Variants in TMEM117 observed in about 807,000 individuals in gnomAD.
The protein encoded by TMEM117 is transmembrane protein 117.
Under a neutral mutation model 52.4 loss-of-function variants are expected in TMEM117, and 27 were observed. The ratio of observed to expected loss-of-function variants is 0.51; its 90% CI spans 0.38 to 0.71. The LOEUF is 0.71. Among genes scored for constraint, TMEM117 ranks in the 30% least tolerant of loss-of-function variants. The pLI, the probability that TMEM117 is intolerant of heterozygous loss-of-function variation, is 0.00. For synonymous variants in TMEM117, 215 were observed against 206.3 expected (o/e 1.04, Z -0.36); for missense variants, 556 against 630.5 (o/e 0.88, Z 1.26).
intron 2 of TMEM117, among the ~76,000 whole-genome samples, chr12:43,890,188 A>G (rs1201201681): frequency 6.6e-6 from 1 of 152,230 alleles, no homozygotes; most frequent in Non-Finnish European, 1.5e-5. Context: ...ATGTAGGAAT[A>G]TAGATTTATT....
intron 5 of TMEM117, among the ~76,000 whole-genome samples, chr12:44,243,663 A>G (rs1262057602): frequency 2.6e-5 from 4 of 151,914 alleles, no homozygotes; most frequent in Non-Finnish European, 5.9e-5. Context: ...AAATTCTGAA[A>G]TATAAAATAC....
At chr12:44,192,761 T>G (rs1220988748) in intron 4 of TMEM117, among the ~76,000 whole-genome samples, 1 of 152,238 alleles carries the variant, frequency 6.6e-6, no homozygotes, top group Non-Finnish European at 1.5e-5. Context: ...GTATTTAATC[T>G]GCATCCTGGC....
chr12:44,153,968 CCTAAAA>C (rs1948790683), intron 4 of TMEM117, among the ~76,000 whole-genome samples: 1 of 151,898 alleles, frequency 6.6e-6, no homozygotes, highest in African/African-American at 2.4e-5. Flanking sequence ...TAAGAGTTTT[CCTAAAA>C]CTAAGTTTGG....
intron 2 of TMEM117, among the ~76,000 whole-genome samples, chr12:43,906,409 G>A (rs1220598063): frequency 6.6e-6 from 1 of 151,418 alleles, no homozygotes; most frequent in Non-Finnish European, 1.5e-5. Flanking sequence ...GTTGCAGTGA[G>A]CTGAGATTGC....
intron 7 of TMEM117, among the ~76,000 whole-genome samples, chr12:44,382,349 T>C (rs1021890012): frequency 6.6e-6 from 1 of 152,232 alleles, no homozygotes; most frequent in Admixed American, 6.5e-5. Context: ...ATTTTGCTTT[T>C]CACAGTTTTT....
intron 7 of TMEM117, among the ~76,000 whole-genome samples, chr12:44,379,187 A>AAAGGAAGG (rs796991000): frequency 2.0e-5 from 3 of 150,612 alleles, no homozygotes; most frequent in Non-Finnish European, 3.0e-5. Context: ...AGGAAGGAAG[A>AAAGGAAGG]AAGGAAGGAA....
chr12:43,971,020 C>T (rs535166003), intron 3 of TMEM117, among the ~76,000 whole-genome samples: 2 of 152,262 alleles, frequency 1.3e-5, no homozygotes, highest in South Asian at 4.1e-4. Context: ...CCTTGCCACC[C>T]TCTCTGTTCC....
At chr12:44,318,116 G>A (rs74865405) in intron 6 of TMEM117, among the ~76,000 whole-genome samples, 4,354 of 152,254 alleles carry the variant, frequency 0.029, 103 homozygotes, top group African/African-American at 0.055. Flanking sequence ...ATAGGGGGCC[G>A]TACTGCACCA....
chr12:44,097,968 T>C (rs1351657530), intron 3 of TMEM117, among the ~76,000 whole-genome samples: 1 of 152,018 alleles, frequency 6.6e-6, no homozygotes, highest in East Asian at 1.9e-4. Flanking sequence ...AATTTTGAAA[T>C]AGGAATATAG....
At position 44,279,695 on chromosome 12, in the gene TMEM117, G is replaced by A. The variant is rs565250694; in HGVS notation, c.609-19885G>A. Among the ~76,000 whole-genome samples the A allele has an allele frequency of 1.6e-3, 240 of 152,074 alleles. 2 individuals are homozygous for A. Among genetic ancestry groups the A allele is most frequent in the Non-Finnish European group, 4.0e-4 (27 of 67,980 alleles). ...CGCCCGCCTAATTTTTTGTATTTTA[G>A]TAGAAACGGGGTTTCACTGTGTTGC... On this transcript the variant is annotated intron_variant, in intron 5 of 7. Coordinates refer to ENST00000266534, the MANE Select transcript of TMEM117 (RefSeq NM_032256.3).
intron 3 of TMEM117, among the ~76,000 whole-genome samples, chr12:44,103,099 A>C (rs1170124032): frequency 6.6e-6 from 1 of 152,040 alleles, no homozygotes; most frequent in East Asian, 1.9e-4. Flanking sequence ...CAGTGTGAGA[A>C]TAGACTAATA....
At chr12:43,930,916 T>C (rs1313705860) in intron 2 of TMEM117, among the ~76,000 whole-genome samples, 1 of 152,120 alleles carries the variant, frequency 6.6e-6, no homozygotes, top group Admixed American at 6.5e-5. Context: ...ATGGAAGAGA[T>C]AGAGCTGGGT....
At chr12:44,095,042 A>T (rs999687322) in intron 3 of TMEM117, among the ~76,000 whole-genome samples, 3 of 152,200 alleles carry the variant, frequency 2.0e-5, no homozygotes, top group African/African-American at 7.2e-5. Context: ...CAGGGGTGGG[A>T]TCAGGGCAAA....
intron 3 of TMEM117, among the ~76,000 whole-genome samples, chr12:44,092,876 G>A (rs1442710028): frequency 1.3e-5 from 2 of 152,140 alleles, no homozygotes; most frequent in African/African-American, 2.4e-5. Flanking sequence ...TGTGAATACA[G>A]TTTTCTTAAA....
chr12:43,918,684 G>A (rs1456091508), intron 2 of TMEM117, among the ~76,000 whole-genome samples: 3 of 152,080 alleles, frequency 2.0e-5, no homozygotes, highest in Non-Finnish European at 4.4e-5. Context: ...GGTCTTGTTA[G>A]CCCTTAGCTC....
At chr12:44,139,149 C>A (rs1197719698) in intron 3 of TMEM117, among the ~76,000 whole-genome samples, 1 of 152,062 alleles carries the variant, frequency 6.6e-6, no homozygotes, top group Non-Finnish European at 1.5e-5. Context: ...ATCCAGCTGG[C>A]CACAGATGGT....
At chr12:44,103,598 G>T (rs922806661) in intron 3 of TMEM117, among the ~76,000 whole-genome samples, 3 of 151,360 alleles carry the variant, frequency 2.0e-5, no homozygotes, top group African/African-American at 7.3e-5. Flanking sequence ...CCTTTTTAAT[G>T]TTTAGCCTTT....
chr12:44,029,579 G>A (rs781002375), intron 3 of TMEM117, among the ~76,000 whole-genome samples: 7 of 152,096 alleles, frequency 4.6e-5, no homozygotes, highest in Non-Finnish European at 7.4e-5. Context: ...TGAGTGCCTC[G>A]CTTTCCCCAC....
At chr12:44,056,124 C>T (rs901690716) in intron 3 of TMEM117, among the ~76,000 whole-genome samples, 3 of 151,782 alleles carry the variant, frequency 2.0e-5, no homozygotes, top group Non-Finnish European at 2.9e-5. Context: ...TTTAGAGATA[C>T]GTTCTTGCTC....
Sources: allele counts gnomAD v4.1 joint callset (sites outside exome capture counted in the v4.1 genomes callset), GRCh38; gene constraint gnomAD v4.1.1; transcripts MANE v1.5; gene names NCBI Gene and HGNC (gene_info 2026-07-23, HGNC 2026-07-21).